Variants in DENND2A observed in about 807,000 individuals in gnomAD.
DENND2A encodes DENN domain containing 2A, also known as DENN domain-containing protein 2A.
A neutral mutation model predicts 105.3 loss-of-function variants in DENND2A; 53 were observed. The ratio of observed to expected loss-of-function variants is 0.50; its 90% CI spans 0.40 to 0.63. The LOEUF is 0.63. Ranked by LOEUF, DENND2A falls within the 30% of genes least tolerant of loss-of-function variation. The pLI, the probability that DENND2A is intolerant of heterozygous loss-of-function variation, is 0.00. For missense variants in DENND2A, 1,138 were observed against 1,279.6 expected (o/e 0.89, Z 1.69); for synonymous variants, 522 against 508.4 (o/e 1.03, Z -0.36).
intron 1 of DENND2A, among the ~76,000 whole-genome samples, chr7:140,620,928 T>G (rs1800265422): frequency 6.6e-6 from 1 of 152,186 alleles, no homozygotes; most frequent in Admixed American, 6.5e-5. Flanking sequence ...GGGGGATTGG[T>G]TCCAGGATGT....
intron 10 of DENND2A, 22 bp from the exon 11 acceptor site, chr7:140,558,234 T>C: frequency 6.2e-7 from 1 of 1,602,174 alleles, no homozygotes; most frequent in Non-Finnish European, 8.5e-7. Flanking sequence ...AAAACACAAA[T>C]GTATCATAAA....
At chr7:140,601,210 C>T (rs548843959) in intron 3 of DENND2A, among the ~76,000 whole-genome samples, 193 bp downstream of exon 3, 1 of 152,214 alleles carries the variant, frequency 6.6e-6, no homozygotes, top group Non-Finnish European at 1.5e-5. Flanking sequence ...TGAGAACAAA[C>T]ACAAAATACA....
intron 3 of DENND2A, among the ~76,000 whole-genome samples, chr7:140,593,500 C>T (rs1799149334): frequency 6.6e-6 from 1 of 152,210 alleles, no homozygotes; most frequent in Non-Finnish European, 1.5e-5. Flanking sequence ...TTTGAATGTT[C>T]TTCATGACTT....
chr7:140,601,625 G>T lies in DENND2A; in HGVS notation c.773C>A (p.Pro258His), dbSNP rs1198945681. ...CAGAGGGTTGATGAAGGGCTTTGTG[G>T]GGGAACCCTCCGAGCCCCTATACAC... ...ENVYRGSEGSPTKPFINPLPK... is the reference protein window; with the variant it reads ...ENVYRGSEGSHTKPFINPLPK... Residue 258 changes from proline to histidine, a missense_variant, in exon 3 of 20, where the codon CCC (proline) becomes CAC (histidine). By Grantham distance (77) the Pro-to-His change is moderately conservative. Transcript: ENST00000496613. 2 of 1,613,404 alleles carry T rather than the reference G, an allele frequency of 1.2e-6. No individual in the cohort carries two copies.
intron 3 of DENND2A, among the ~76,000 whole-genome samples, chr7:140,593,200 G>A (rs1165798836): frequency 6.6e-6 from 1 of 152,166 alleles, no homozygotes; most frequent in Non-Finnish European, 1.5e-5. Flanking sequence ...CATCCCGCCT[G>A]CAAGTTTAAT....
intron 6 of DENND2A, among the ~76,000 whole-genome samples, chr7:140,571,064 C>T (rs1335432517): frequency 6.6e-6 from 1 of 152,322 alleles, no homozygotes; most frequent in Non-Finnish European, 1.5e-5. Flanking sequence ...TATTATCTCA[C>T]AGCTATATGT....
chr7:140,536,709 A>G (rs187480292), intron 14 of DENND2A, among the ~76,000 whole-genome samples: 2 of 152,168 alleles, frequency 1.3e-5, no homozygotes, highest in Non-Finnish European at 2.9e-5. Context: ...CTGTTGCCCA[A>G]GCTGCAGTAT....
In DENND2A at chr7:140,611,122, C is replaced by G. The variant is rs373366854; in HGVS notation, c.-247-5316G>C. On this transcript the variant is annotated intron_variant, in intron 1 of 19. Coordinates refer to ENST00000496613, the MANE Select transcript of DENND2A (RefSeq NM_015689.5). ...GTGCAATGGCATGATCTCGGCTCAC[C>G]GCCACTCCACCTCCCAGGTTCAAGC... 8.3e-4 allele frequency among the ~76,000 whole-genome samples: 126 copies of G among 152,244 alleles called. 1 individual carries two copies. The highest frequency in any genetic ancestry group is 2.9e-3 in the African/African-American group (121 of 41,540).
intron 5 of DENND2A, among the ~76,000 whole-genome samples, chr7:140,583,611 T>C (rs1798635131): frequency 6.6e-6 from 1 of 150,418 alleles, no homozygotes; most frequent in Non-Finnish European, 1.5e-5. Context: ...AAAATAAATA[T>C]TTCATGACAA....
chr7:140,558,328 G>A (rs751297044), intron 10 of DENND2A, 116 bp from the exon 11 acceptor site: 15 of 718,784 alleles, frequency 2.1e-5, no homozygotes, highest in Non-Finnish European at 3.1e-5. Context: ...GGAGGCTGTA[G>A]GAAAGGCCAC....
At chr7:140,591,909 T>C in intron 3 of DENND2A, among the ~76,000 whole-genome samples, 1 of 99,324 alleles carries the variant, frequency 1.0e-5, no homozygotes, top group African/African-American at 4.1e-5. Context: ...TCTTCCTCTC[T>C]CTTTCTCCTC....
intron 3 of DENND2A, among the ~76,000 whole-genome samples, chr7:140,598,938 A>AT (rs948041763): frequency 9.5e-4 from 144 of 151,376 alleles, no homozygotes; most frequent in African/African-American, 3.1e-3. Flanking sequence ...AGTGATTATT[A>AT]TTTTTTTTTG....
chr7:140,587,434 C>T (rs998869898), intron 4 of DENND2A, among the ~76,000 whole-genome samples: 4 of 152,162 alleles, frequency 2.6e-5, no homozygotes, highest in African/African-American at 9.6e-5. Flanking sequence ...CACTCATTAC[C>T]AGCTAGTCTT....
chr7:140,626,798 CT>C (rs1388461441), intron 1 of DENND2A, among the ~76,000 whole-genome samples: 1 of 152,202 alleles, frequency 6.6e-6, no homozygotes, highest in Non-Finnish European at 1.5e-5. Context: ...CATCCCCTTG[CT>C]TGGGGCCAGC....
intron 9 of DENND2A, among the ~76,000 whole-genome samples, chr7:140,565,115 G>T (rs975615004): frequency 1.3e-5 from 2 of 152,170 alleles, no homozygotes; most frequent in African/African-American, 4.8e-5. Context: ...AGAGCACAGT[G>T]GGCAGGATGG....
chr7:140,538,456 T>C (rs7795622), intron 14 of DENND2A, among the ~76,000 whole-genome samples: 3,723 of 152,266 alleles, frequency 0.024, 63 homozygotes, highest in South Asian at 0.044. Flanking sequence ...CCAGGAGTAC[T>C]GGGGATGAGG....
chr7:140,519,022 A>T (rs1795757635), intron 19 of DENND2A, among the ~76,000 whole-genome samples: 1 of 152,192 alleles, frequency 6.6e-6, no homozygotes, highest in Admixed American at 6.5e-5. Context: ...CACATCCCTC[A>T]GGAGCCAGGG....
At chr7:140,606,421 A>G (rs944481750) in intron 1 of DENND2A, among the ~76,000 whole-genome samples, 6 of 152,164 alleles carry the variant, frequency 3.9e-5, no homozygotes, top group Non-Finnish European at 8.8e-5. Flanking sequence ...ATAAATAACA[A>G]CGAGACCCAG....
intron 1 of DENND2A, among the ~76,000 whole-genome samples, chr7:140,634,456 T>A (rs1352210135): frequency 6.6e-6 from 1 of 152,238 alleles, no homozygotes; most frequent in Non-Finnish European, 1.5e-5. Flanking sequence ...TTGCCCCGAA[T>A]ATTTTATGAA....
Sources: gnomAD v4.1 joint callset for allele counts (sites outside exome capture counted in the v4.1 genomes callset) on GRCh38, gnomAD v4.1.1 for gene constraint, MANE v1.5 for transcripts, NCBI Gene and HGNC (gene_info 2026-07-23, HGNC 2026-07-21) for gene names.